Variants in EXOC7 observed in about 807,000 individuals in gnomAD.
EXOC7 encodes exocyst complex component 7.
EXOC7 carries 51 observed loss-of-function variants against 87.6 expected under a neutral mutation model. That is an observed-to-expected ratio of 0.58 (90% CI 0.46 to 0.73). The LOEUF (loss-of-function observed/expected upper bound fraction) is 0.73. EXOC7 is among the 30% of genes least tolerant of loss of function. EXOC7 has a pLI of 0.00. For missense variants in EXOC7, 744 were observed against 888.4 expected, an observed-to-expected ratio of 0.84 and a Z score of 2.07; for synonymous variants, 327 against 357.1, an observed-to-expected ratio of 0.92 and a Z score of 0.95.
At chr17:76,100,940 C>T in intron 4 of EXOC7, 1 of 182,770 alleles carries the variant, frequency 5.5e-6, no homozygotes, top group Non-Finnish European at 1.1e-5. Context: ...GAGCACTGTA[C>T]TCCAGCTTGG....
At chr17:76,088,406 G>T in intron 10 of EXOC7, 58 bp downstream of exon 10, 1 of 1,537,182 alleles carries the variant, frequency 6.5e-7, no homozygotes, top group Non-Finnish European at 8.9e-7. Context: ...GTCCCCCAGG[G>T]CCAGGTCACT....
chr17:76,082,374 T>C lies in EXOC7; in HGVS notation c.*1274A>G. Reference sequence around the variant, plus strand: ...GCTGAGAATCTAAGAAAGGAAGCGATACAGGCTGATGACCCCTGGGGTTCG... The same window carrying C: ...GCTGAGAATCTAAGAAAGGAAGCGACACAGGCTGATGACCCCTGGGGTTCG... On this transcript the variant is annotated 3_prime_UTR_variant, in exon 19 of 19. Transcript: ENST00000589210. 3.0e-6 allele frequency: 4 copies of C among 1,344,114 alleles called. No homozygotes were observed. The highest frequency in any genetic ancestry group is 4.1e-6 in the Non-Finnish European group (4 of 982,140). 83.3% of individuals were successfully genotyped at this position (1,344,114 alleles called of 1,614,324 possible).
In EXOC7 at chr17:76,082,332, G is replaced by A. The variant is rs1226968452; in HGVS notation, c.*1316C>T. 1.9e-6 allele frequency: 2 copies of A among 1,046,474 alleles called. No individual in the cohort carries two copies. Among genetic ancestry groups the A allele is most frequent in the Non-Finnish European group, 2.7e-6 (2 of 733,066 alleles). 64.8% of individuals were successfully genotyped at this position (1,046,474 alleles called of 1,614,324 possible). On this transcript the variant is annotated 3_prime_UTR_variant, in exon 19 of 19. Coordinates refer to ENST00000589210, the MANE Select transcript of EXOC7 (RefSeq NM_001013839.4). ...ACTGAAGATGGCCTGAAATGGGCCA[G>A]ACCCAAATTTTCATCAGCTGAGAAT...
intron 14 of EXOC7, 41 bp downstream of exon 14, chr17:76,085,636 G>A: frequency 6.2e-7 from 1 of 1,613,744 alleles, no homozygotes; most frequent in Non-Finnish European, 8.5e-7. Context: ...ACAGCCGAGG[G>A]GAAGGTGAGA....
intron 4 of EXOC7, among the ~76,000 whole-genome samples, chr17:76,099,549 G>A (rs1487885686): frequency 6.6e-6 from 1 of 152,010 alleles, no homozygotes; most frequent in Non-Finnish European, 1.5e-5. Context: ...AGAAACTGTG[G>A]TCTATCCACA....
rs537969585 is a variant in EXOC7, at chr17:76,098,139, A to G, written c.418-121T>C. On this transcript the variant is annotated intron_variant, in intron 4 of 18. Coordinates refer to ENST00000589210, the MANE Select transcript of EXOC7 (RefSeq NM_001013839.4). The stretch of plus-strand genomic sequence containing the variant: ...AGGGCCTCTGCCCTTTTCTGCCCTG[A>G]TATCTTTTTTTTTTTTGAGAGGGAG... 1.5e-4 allele frequency: 112 copies of G among 772,184 alleles called. No individual in the cohort carries two copies. The African/African-American group carries it at 1.8e-3, about 12-fold the overall frequency. 47.8% of individuals were successfully genotyped at this position (772,184 alleles called of 1,614,324 possible). A position where few individuals can be genotyped will look rare whatever the true frequency, so the allele number is the denominator to read the frequency against.
Position 76,089,284 on chromosome 17 carries a change from T to G in EXOC7, c.938A>C (p.Tyr313Ser), listed in dbSNP as rs534424732. Residue 313 changes from tyrosine (Y) to serine (S), a missense_variant, in exon 8 of 19, where the codon TAC becomes TCC. Transcript: ENST00000589210. ...GACGAAGGCACTGACGCAGTGGATG[T>G]AGGCATCGGTCTCCACGTCCAGCAT... is the stretch of plus-strand genomic sequence containing the variant. ...DDMLDVETDAYIHCVSAFVKL... is the reference protein window; with the variant it reads ...DDMLDVETDASIHCVSAFVKL... The G allele has an allele frequency of 5.0e-6, 8 of 1,613,986 alleles. No homozygotes were observed. Among genetic ancestry groups the G allele is most frequent in the Non-Finnish European group, 6.8e-6 (8 of 1,180,010 alleles).
chr17:76,101,618 C>A, intron 3 of EXOC7, 61 bp downstream of exon 3: 1 of 1,542,720 alleles, frequency 6.5e-7, no homozygotes, highest in Non-Finnish European at 8.8e-7. Context: ...GGATTACAGA[C>A]CAACCCTCCT....
Position 76,090,199 on chromosome 17 carries a change from G to A in EXOC7, c.902-879C>T, listed in dbSNP as rs1016051407. 5 of 1,021,776 alleles carry A rather than the reference G, an allele frequency of 4.9e-6. No homozygotes were observed. The African/African-American group carries it at 6.5e-5, about 13-fold the overall frequency. The allele number at this position is 1,021,776 out of a possible 1,614,324, so 63.3% of individuals were successfully genotyped here. On this transcript the variant is annotated intron_variant, in intron 7 of 18. Coordinates refer to ENST00000589210, the MANE Select transcript of EXOC7 (RefSeq NM_001013839.4). ...AGGCCCAAAAGAGAGAGAGTGGAGA[G>A]AGAGGCGCATAGGCCTGGCCCATCC...
intron 13 of EXOC7, 87 bp from the exon 14 acceptor site, chr17:76,085,884 A>G (rs2067190910): frequency 6.4e-7 from 1 of 1,552,780 alleles, no homozygotes; most frequent in Admixed American, 1.9e-5. Flanking sequence ...GCTCCTATCC[A>G]TCGCTCCTCG....
intron 12 of EXOC7, among the ~76,000 whole-genome samples, chr17:76,086,619 G>A (rs1302647548): frequency 6.6e-6 from 1 of 152,170 alleles, no homozygotes; most frequent in East Asian, 1.9e-4. Context: ...CAGCAAGGCA[G>A]GGAGGCCGGG....
chr17:76,082,836 G>GTCCTA lies in EXOC7; in HGVS notation c.*807_*811dup, dbSNP rs2067040909. ...GCCTCAAGGGTCAGTCTTCAATCTC[G>GTCCTA]TCCTAAATAGGTGGGGCCCTATTTT... On this transcript the variant is annotated 3_prime_UTR_variant, in exon 19 of 19. Coordinates refer to ENST00000589210, the MANE Select transcript of EXOC7 (RefSeq NM_001013839.4). 1 of 521,934 alleles carries GTCCTA rather than the reference G, an allele frequency of 1.9e-6. No individual in the cohort carries two copies. The highest frequency in any genetic ancestry group is 3.1e-6 in the Non-Finnish European group (1 of 324,578). The allele number at this position is 521,934 out of a possible 1,614,324, so 32.3% of individuals were successfully genotyped here. A position where few individuals can be genotyped will look rare whatever the true frequency, so the allele number is the denominator to read the frequency against.
rs1443515315 is a variant in EXOC7 at position 76,081,900 on chromosome 17, T to C, written c.*1748A>G. 15 of 1,608,608 alleles carry C rather than the reference T, an allele frequency of 9.3e-6. No homozygotes were observed. The highest frequency in any genetic ancestry group is 1.3e-5 in the Non-Finnish European group (15 of 1,176,748). On this transcript the variant is annotated 3_prime_UTR_variant, in exon 19 of 19. Coordinates refer to ENST00000589210, the MANE Select transcript of EXOC7 (RefSeq NM_001013839.4). ...CCCCCAGTTTACTACTTCACCATCC[T>C]GCTGCTGCTGCTCTTCCTCAGCACC...
At chr17:76,103,079 C>T (rs1326025498) in intron 2 of EXOC7, 1 of 479,528 alleles carries the variant, frequency 2.1e-6, no homozygotes, top group Non-Finnish European at 3.8e-6. Flanking sequence ...ACTGGTCAGA[C>T]TCACTGAGTG....
chr17:76,083,933 T>G, intron 18 of EXOC7, 73 bp downstream of exon 18: 1 of 1,486,522 alleles, frequency 6.7e-7, no homozygotes, highest in Non-Finnish European at 9.0e-7. Flanking sequence ...CTTTTTCCCT[T>G]GAGGAAGAGG....
In EXOC7 at chr17:76,083,356, CCT is replaced by C. The variant is rs1250402873; in HGVS notation, c.*290_*291del. On this transcript the variant is annotated 3_prime_UTR_variant, in exon 19 of 19. Coordinates refer to ENST00000589210, the MANE Select transcript of EXOC7 (RefSeq NM_001013839.4). ...CACATGGAGCAGCAGTGGGCACAGG[CCT>C]CTGTCTTCCTTCTCTCTTTTCCTGT... 4.9e-6 allele frequency: 2 copies of C among 407,068 alleles called. No individual in the cohort carries two copies. The highest frequency in any genetic ancestry group is 2.4e-5 in the South Asian group (1 of 42,242). 25.2% of individuals were successfully genotyped at this position (407,068 alleles called of 1,614,324 possible). A position where few individuals can be genotyped will look rare whatever the true frequency, so the allele number is the denominator to read the frequency against.
chr17:76,099,685 C>G (rs541205993), intron 4 of EXOC7, among the ~76,000 whole-genome samples: 3 of 152,196 alleles, frequency 2.0e-5, no homozygotes, highest in African/African-American at 7.2e-5. Context: ...TTATAAGATA[C>G]CATTTATATT....
chr17:76,102,262 T>C (rs772926181), intron 2 of EXOC7, among the ~76,000 whole-genome samples: 51 of 152,124 alleles, frequency 3.4e-4, no homozygotes, highest in Non-Finnish European at 6.0e-4. Context: ...AAACCCTCTC[T>C]AAGGATGAAA....
chr17:76,101,969 T>C, intron 2 of EXOC7, 106 bp from the exon 3 acceptor site: 1 of 882,980 alleles, frequency 1.1e-6, no homozygotes, highest in Non-Finnish European at 1.7e-6. Flanking sequence ...TTCTAGACAA[T>C]AAACTCCACA....
Sources: allele counts gnomAD v4.1 joint callset (sites outside exome capture counted in the v4.1 genomes callset), GRCh38; gene constraint gnomAD v4.1.1; transcripts MANE v1.5; gene names NCBI Gene and HGNC (gene_info 2026-07-23, HGNC 2026-07-21).